The following KAZN variants were observed in gnomAD, a reference collection of about 807,000 sequenced individuals.
The protein encoded by KAZN is kazrin, periplakin interacting protein.
KAZN carries 40 observed loss-of-function variants against 87.4 expected under a neutral mutation model. That is an observed-to-expected ratio of 0.46 (90% CI 0.36 to 0.60). The LOEUF (loss-of-function observed/expected upper bound fraction) is 0.60, where lower values mean the gene tolerates loss of function less well. KAZN is among the 20% of genes least tolerant of loss of function. The pLI, the probability that KAZN is intolerant of heterozygous loss-of-function variation, is 0.00. For missense variants in KAZN, 898 were observed against 1,073.9 expected (o/e 0.84, Z 2.29); for synonymous variants, 466 against 458.3 (o/e 1.02, Z -0.22).
chr1:14,011,800 T>C (rs1296419042), intron 1 of KAZN, among the ~76,000 whole-genome samples: 1 of 152,194 alleles, frequency 6.6e-6, no homozygotes, highest in Non-Finnish European at 1.5e-5. Flanking sequence ...AAATAATACA[T>C]GTATTAATAC....
chr1:14,701,169 T>G (rs1397795502), intron 1 of KAZN, among the ~76,000 whole-genome samples: 2 of 152,212 alleles, frequency 1.3e-5, no homozygotes, highest in African/African-American at 2.4e-5. Flanking sequence ...CAGGCTGCAG[T>G]GCAATGGCAT....
chr1:14,531,592 G>A (rs1672212183), intron 2 of KAZN, among the ~76,000 whole-genome samples: 1 of 152,094 alleles, frequency 6.6e-6, no homozygotes, highest in African/African-American at 2.4e-5. Flanking sequence ...GGGATACAGT[G>A]GAAAGATGTG....
chr1:14,027,811 A>C (rs1025156851), intron 1 of KAZN, among the ~76,000 whole-genome samples: 2 of 152,172 alleles, frequency 1.3e-5, no homozygotes, highest in Admixed American at 1.3e-4. Context: ...TTTCTTTGAC[A>C]TGCAGCATCT....
chr1:14,921,273 AT>A (rs1658494141), intron 1 of KAZN, among the ~76,000 whole-genome samples: 1 of 152,116 alleles, frequency 6.6e-6, no homozygotes, highest in Non-Finnish European at 1.5e-5. Flanking sequence ...AGCAGCTTGG[AT>A]GACTGAAAAG....
At chr1:14,016,694 C>A (rs1442129904) in intron 1 of KAZN, among the ~76,000 whole-genome samples, 1 of 151,996 alleles carries the variant, frequency 6.6e-6, no homozygotes, top group Non-Finnish European at 1.5e-5. Context: ...CTTCCTCTGA[C>A]CTTTGTTTTT....
rs529676136 is a variant in KAZN at position 14,361,308 on chromosome 1, C to G, written c.249+180716C>G. ...CACACCAACCTCTAGCATCCCAGGT[C>G]AACCTCAGACTGCTGTGCTGGCAGT... On this transcript the variant is annotated intron_variant, in intron 2 of 16. Transcript: ENST00000636203. Among the ~76,000 whole-genome samples the G allele has an allele frequency of 2.8e-4, 43 of 152,346 alleles. 1 individual carries two copies. In the South Asian group the frequency reaches 8.5e-3, roughly 30 times the overall value.
intron 1 of KAZN, among the ~76,000 whole-genome samples, chr1:14,815,961 C>T (rs1646550961): frequency 6.6e-6 from 1 of 152,178 alleles, no homozygotes; most frequent in Admixed American, 6.5e-5. Context: ...ACCTGGAGCA[C>T]CTGCCCTTCT....
intron 2 of KAZN, among the ~76,000 whole-genome samples, chr1:14,582,688 A>G (rs930628405): frequency 1.3e-5 from 2 of 152,208 alleles, no homozygotes; most frequent in African/African-American, 2.4e-5. Flanking sequence ...CTAGACTTGG[A>G]AAAGAGATTT....
intron 2 of KAZN, among the ~76,000 whole-genome samples, chr1:14,978,560 T>C (rs1407650808): frequency 6.6e-6 from 1 of 152,162 alleles, no homozygotes; most frequent in African/African-American, 2.4e-5. Flanking sequence ...TCTTCTTCTT[T>C]GTTCGTTTCT....
rs148765877 is a variant in KAZN at position 14,915,387 on chromosome 1, G to A, written c.227-45297G>A. Among the ~76,000 whole-genome samples the A allele has an allele frequency of 8.9e-3, 1,358 of 152,232 alleles. 13 individuals carry two copies. Among genetic ancestry groups the A allele is most frequent in the African/African-American group, 0.032 (1,310 of 41,528 alleles). ...ACAGTAACTGTTATTCTTTTCTTGG[G>A]CCCCTTGCTGGCCCCTGGCCCTCTG... On this transcript the variant is annotated intron_variant, in intron 1 of 14. Coordinates refer to ENST00000376030, the MANE Select transcript of KAZN (RefSeq NM_201628.3).
chr1:14,338,530 G>C (rs893297147), intron 2 of KAZN, among the ~76,000 whole-genome samples: 5 of 149,126 alleles, frequency 3.4e-5, no homozygotes, highest in Non-Finnish European at 5.9e-5. Flanking sequence ...GTGAGAGAGA[G>C]AAAAGAAAAC....
chr1:14,806,853 A>G (rs1456212799), intron 1 of KAZN, among the ~76,000 whole-genome samples: 1 of 152,030 alleles, frequency 6.6e-6, no homozygotes, highest in Non-Finnish European at 1.5e-5. Context: ...ATTTGTACCC[A>G]CTCTGCAGGA....
At chr1:14,197,317 G>A (rs566975148) in intron 2 of KAZN, among the ~76,000 whole-genome samples, 1 of 150,526 alleles carries the variant, frequency 6.6e-6, no homozygotes, top group Non-Finnish European at 1.5e-5. Flanking sequence ...TCTTGCACAG[G>A]TTGTCAAGGT....
chr1:14,671,983 C>A (rs1037065736), intron 1 of KAZN, among the ~76,000 whole-genome samples: 2 of 152,206 alleles, frequency 1.3e-5, no homozygotes, highest in Non-Finnish European at 2.9e-5. Flanking sequence ...TACAAAAACA[C>A]GTTCTAATTA....
intron 2 of KAZN, among the ~76,000 whole-genome samples, chr1:14,530,742 G>A (rs1672164070): frequency 6.6e-6 from 1 of 152,116 alleles, no homozygotes; most frequent in Non-Finnish European, 1.5e-5. Context: ...CATGCTTCCT[G>A]TACAGTCTGC....
intron 1 of KAZN, among the ~76,000 whole-genome samples, chr1:14,902,056 A>G (rs1655987006): frequency 6.6e-6 from 1 of 152,102 alleles, no homozygotes; most frequent in Non-Finnish European, 1.5e-5. Context: ...CGTTAAAGAC[A>G]CAGGCACCTA....
chr1:14,783,963 C>T (rs965773530), intron 1 of KAZN, among the ~76,000 whole-genome samples: 7 of 152,146 alleles, frequency 4.6e-5, no homozygotes, highest in Non-Finnish European at 7.3e-5. Context: ...CTGTGGACAG[C>T]AGTGACCCCT....
At chr1:14,367,350 A>G (rs560466786) in intron 2 of KAZN, among the ~76,000 whole-genome samples, 1 of 152,136 alleles carries the variant, frequency 6.6e-6, no homozygotes, top group Non-Finnish European at 1.5e-5. Context: ...CGCACTGTCA[A>G]GCTGTCCCTC....
At position 14,370,141 on chromosome 1, in the gene KAZN, T is replaced by C. The variant is rs562133549; in HGVS notation, c.249+189549T>C. Among the ~76,000 whole-genome samples the C allele has an allele frequency of 3.5e-3, 525 of 151,878 alleles. 3 individuals carry two copies. Among genetic ancestry groups the C allele is most frequent in the African/African-American group, 0.012 (504 of 41,410 alleles). ...AAGGGTCAGTGGTTTCCACAGAGGG[T>C]GGATGTCTTTCCACCCCCAGGAACT... On this transcript the variant is annotated intron_variant, in intron 2 of 16. Coordinates refer to the KAZN transcript ENST00000636203.
Sources: gnomAD v4.1 joint callset for allele counts (sites outside exome capture counted in the v4.1 genomes callset) on GRCh38, gnomAD v4.1.1 for gene constraint, MANE v1.5 for transcripts, NCBI Gene and HGNC (gene_info 2026-07-23, HGNC 2026-07-21) for gene names.